CCDC134: variants seen among roughly 807,000 people sequenced by gnomAD.
CCDC134 encodes the protein coiled-coil domain-containing protein 134.
A neutral mutation model predicts 25.6 loss-of-function variants in CCDC134; 27 were observed. The observed-to-expected ratio is 1.05, with a 90% CI of 0.78 to 1.45. The LOEUF (loss-of-function observed/expected upper bound fraction) is 1.45, where lower values mean the gene tolerates loss of function less well. Ranked by LOEUF, CCDC134 falls within the 40% of genes most tolerant of loss-of-function variation. The pLI, the probability that CCDC134 is intolerant of heterozygous loss-of-function variation, is 0.00. For synonymous variants in CCDC134, 110 were observed against 115.0 expected (o/e 0.96, Z 0.28); for missense variants, 261 against 286.7 (o/e 0.91, Z 0.65).
In CCDC134 at chr22:41,813,828, C is replaced by A; in HGVS notation, c.564+6C>A. On this transcript the variant is annotated splice_donor_region_variant and intron_variant, in intron 6 of 6. Coordinates refer to ENST00000255784, the MANE Select transcript of CCDC134 (RefSeq NM_024821.5). Reference sequence around the variant, plus strand: ...TTAAAATCGACCGCACAGAGGTGAGCTGCCAGGGCCTATGCCTGTGTCTGC... The same window carrying A: ...TTAAAATCGACCGCACAGAGGTGAGATGCCAGGGCCTATGCCTGTGTCTGC... 1 of 1,613,494 alleles carries A rather than the reference C, an allele frequency of 6.2e-7. No individual in the cohort carries two copies. The highest frequency in any genetic ancestry group is 2.2e-5 in the East Asian group (1 of 44,888).
chr22:41,824,975 G>A (rs2076669312), intron 6 of CCDC134, among the ~76,000 whole-genome samples: 2 of 152,110 alleles, frequency 1.3e-5, no homozygotes, highest in Admixed American at 1.3e-4. Flanking sequence ...ATGGACCCGA[G>A]GAGGGAGAGG....
chr22:41,806,963 G>T (rs980362538), intron 1 of CCDC134, among the ~76,000 whole-genome samples: 6 of 152,052 alleles, frequency 3.9e-5, no homozygotes, highest in African/African-American at 1.2e-4. Context: ...AGGGAGAATC[G>T]CTTGAACCCA....
intron 6 of CCDC134, among the ~76,000 whole-genome samples, chr22:41,815,194 C>A (rs370728090): frequency 1.8e-4 from 25 of 141,080 alleles, no homozygotes; most frequent in East Asian, 1.4e-3. Flanking sequence ...CTCAAATTTT[C>A]TTTTCTTTTC....
intron 1 of CCDC134, among the ~76,000 whole-genome samples, chr22:41,805,024 G>A (rs1015380271): frequency 1.3e-5 from 2 of 152,114 alleles, no homozygotes; most frequent in African/African-American, 2.4e-5. Flanking sequence ...ATCTGAGATC[G>A]TGCCACTGCA....
intron 6 of CCDC134, among the ~76,000 whole-genome samples, chr22:41,824,437 A>G (rs933170012): frequency 1.2e-4 from 18 of 152,150 alleles, no homozygotes; most frequent in African/African-American, 4.3e-4. Flanking sequence ...GAGCCATGGA[A>G]GCTGGAATGT....
At chr22:41,805,896 A>G (rs1314751214) in intron 1 of CCDC134, among the ~76,000 whole-genome samples, 3 of 152,238 alleles carry the variant, frequency 2.0e-5, no homozygotes, top group Non-Finnish European at 4.4e-5. Context: ...TGGATGACAG[A>G]GTGAGACCCT....
In CCDC134 at chr22:41,830,963, G is replaced by GT. The variant is rs1184299074; in HGVS notation, c.*5141dup. Reference sequence around the variant, plus strand: ...TGCAATGGCGCGATCTCTGCTCACCGTAACTTCTGCCTCCCGGGTTCAAGC... The same window carrying GT: ...TGCAATGGCGCGATCTCTGCTCACCGTTAACTTCTGCCTCCCGGGTTCAAGC... On this transcript the variant is annotated 3_prime_UTR_variant, in exon 7 of 7. Coordinates refer to ENST00000255784, the MANE Select transcript of CCDC134 (RefSeq NM_024821.5). 2.8e-5 allele frequency among the ~76,000 whole-genome samples: 4 copies of GT among 141,478 alleles called. No homozygotes were observed. The highest frequency in any genetic ancestry group is 3.0e-5 in the Non-Finnish European group (2 of 67,164). The allele number at this position is 141,478 out of a possible 152,430, so 92.8% of individuals were successfully genotyped here.
chr22:41,815,267 G>A (rs571771519), intron 6 of CCDC134, among the ~76,000 whole-genome samples: 84 of 147,874 alleles, frequency 5.7e-4, no homozygotes, highest in African/African-American at 1.9e-3. Flanking sequence ...GTACAGTGGC[G>A]CGATCTCGGC....
chr22:41,829,875 G>A lies in CCDC134; in HGVS notation c.*4052G>A, dbSNP rs1454642903. On this transcript the variant is annotated 3_prime_UTR_variant, in exon 7 of 7. Transcript: ENST00000255784. Reference sequence around the variant, plus strand: ...TGCAACCCCCGCCTCCCGGGTTCAAGTGATTCTTCTGCCTCAGCCTCCTGA... The same window carrying A: ...TGCAACCCCCGCCTCCCGGGTTCAAATGATTCTTCTGCCTCAGCCTCCTGA... 2.0e-5 allele frequency among the ~76,000 whole-genome samples: 3 copies of A among 152,106 alleles called. No individual in the cohort carries two copies. Among genetic ancestry groups the A allele is most frequent in the African/African-American group, 7.2e-5 (3 of 41,422 alleles).
At chr22:41,821,517 T>A (rs2076651855) in intron 6 of CCDC134, among the ~76,000 whole-genome samples, 1 of 141,218 alleles carries the variant, frequency 7.1e-6, no homozygotes, top group East Asian at 2.4e-4. Context: ...CCTGTGTCCA[T>A]GTGTTCTCAT....
chr22:41,819,160 C>A (rs890649031), intron 6 of CCDC134, among the ~76,000 whole-genome samples: 5 of 152,162 alleles, frequency 3.3e-5, no homozygotes, highest in Middle Eastern at 3.2e-3. Flanking sequence ...TCACATACTC[C>A]CTCCATGCTG....
chr22:41,804,019 G>C (rs557864497), intron 1 of CCDC134, among the ~76,000 whole-genome samples: 37 of 152,100 alleles, frequency 2.4e-4, no homozygotes, highest in African/African-American at 8.9e-4. Flanking sequence ...TGTAGTCCTA[G>C]TTACTCGGGA....
Position 41,809,981 on chromosome 22 carries a change from T to G in CCDC134, c.206T>G (p.Met69Arg), listed in dbSNP as rs761776512. ...IHQQYKILDV[M>R]LKGLFKVLED... is the part of the protein sequence containing the mutation. ...CAGCAGTACAAGATCCTTGATGTCA[T>G]GCTCAAGGGGCTCTTTAAGGTGTGT... Residue 69 changes from methionine to arginine, a missense_variant, in exon 3 of 7, where the codon ATG (methionine) becomes AGG (arginine). Transcript: ENST00000255784. The G allele has an allele frequency of 6.2e-7, 1 of 1,614,134 alleles. No homozygotes were observed. The highest frequency in any genetic ancestry group is 2.2e-5 in the East Asian group (1 of 44,870).
At chr22:41,811,720 C>T (rs2076597371) in intron 4 of CCDC134, among the ~76,000 whole-genome samples, 2 of 152,318 alleles carry the variant, frequency 1.3e-5, no homozygotes, top group South Asian at 4.1e-4. Flanking sequence ...GGTGAGTTAC[C>T]ACACCCGGCC....
intron 6 of CCDC134, among the ~76,000 whole-genome samples, chr22:41,821,738 A>C (rs963302088): frequency 6.6e-6 from 1 of 152,042 alleles, no homozygotes; most frequent in African/African-American, 2.4e-5. Flanking sequence ...GGAGGAGGTG[A>C]GGAGGGGTGA....
chr22:41,810,415 T>A, intron 4 of CCDC134, 124 bp downstream of exon 4: 1 of 805,964 alleles, frequency 1.2e-6, no homozygotes, highest in Non-Finnish European at 2.0e-6. Flanking sequence ...ACCTTCTAAG[T>A]GGTCCCCTTG....
rs571387716 is a variant in CCDC134 at position 41,830,325 on chromosome 22, C to T, written c.*4502C>T. ...CTTCAGTCCACTTGGCGAGGCATCACGCCCTCTGGGCAGGCTCAGTGGGGA... is the reference window on the plus strand; with the variant it reads ...CTTCAGTCCACTTGGCGAGGCATCATGCCCTCTGGGCAGGCTCAGTGGGGA... On this transcript the variant is annotated 3_prime_UTR_variant, in exon 7 of 7. Transcript: ENST00000255784. Among the ~76,000 whole-genome samples, 18 of 152,364 alleles carry T rather than the reference C, an allele frequency of 1.2e-4. No homozygotes were observed. The South Asian group carries it at 1.2e-3, about 11-fold the overall frequency.
chr22:41,820,662 T>TGA (rs1330896475), intron 6 of CCDC134, among the ~76,000 whole-genome samples: 2 of 152,012 alleles, frequency 1.3e-5, no homozygotes, highest in East Asian at 3.9e-4. Context: ...GCATATGTGG[T>TGA]GAGAGAGAGA....
chr22:41,828,755 C>T lies in CCDC134; in HGVS notation c.*2932C>T, dbSNP rs2076691376. 6.6e-6 allele frequency among the ~76,000 whole-genome samples: 1 copy of T among 152,200 alleles called. No individual in the cohort carries two copies. The highest frequency in any genetic ancestry group is 1.5e-5 in the Non-Finnish European group (1 of 68,040). ...TGTTAGGTCACTATAGCGCTACCAA[C>T]TGCATATACCACTGTGGGAGTCGTG... is the stretch of plus-strand genomic sequence containing the variant. On this transcript the variant is annotated 3_prime_UTR_variant, in exon 7 of 7. Coordinates refer to ENST00000255784, the MANE Select transcript of CCDC134 (RefSeq NM_024821.5).
Sources: gnomAD v4.1 joint callset for allele counts (sites outside exome capture counted in the v4.1 genomes callset) on GRCh38, gnomAD v4.1.1 for gene constraint, MANE v1.5 for transcripts, NCBI Gene and HGNC (gene_info 2026-07-23, HGNC 2026-07-21) for gene names.